Variants in SSBP2 observed in about 807,000 individuals in gnomAD.
SSBP2 encodes the protein single-stranded DNA-binding protein 2.
In SSBP2, 17 loss-of-function variants were observed where a neutral mutation model predicts 61.8. The ratio of observed to expected loss-of-function variants is 0.28; its 90% CI spans 0.19 to 0.41. SSBP2 has a LOEUF of 0.41. SSBP2 is among the 10% of genes least tolerant of loss of function. The probability of loss-of-function intolerance (pLI) is 1.00; values close to 1 mark genes in which losing one functional copy is unlikely to be tolerated. For missense variants in SSBP2, 310 were observed against 458.7 expected (o/e 0.68, Z 2.96); for synonymous variants, 139 against 141.3 (o/e 0.98, Z 0.12).
chr5:81,560,366 G>A (rs1452543619), intron 4 of SSBP2, among the ~76,000 whole-genome samples: 1 of 151,938 alleles, frequency 6.6e-6, no homozygotes, highest in Non-Finnish European at 1.5e-5. Context: ...TATAAACTCT[G>A]TACTGCCAAA....
chr5:81,518,934 T>C (rs960440636), intron 4 of SSBP2, among the ~76,000 whole-genome samples: 1 of 152,170 alleles, frequency 6.6e-6, no homozygotes, highest in Admixed American at 6.5e-5. Flanking sequence ...ATCTTCATTG[T>C]ATTTCTGAGA....
At chr5:81,420,605 C>A in intron 16 of SSBP2, 72 bp from the exon 17 acceptor site, 1 of 1,248,012 alleles carries the variant, frequency 8.0e-7, no homozygotes, top group Non-Finnish European at 1.2e-6. Context: ...CTTGGTACAA[C>A]AGAAACGATG....
chr5:81,494,213 C>T (rs1767121342), intron 5 of SSBP2, among the ~76,000 whole-genome samples: 1 of 152,116 alleles, frequency 6.6e-6, no homozygotes, highest in Admixed American at 6.5e-5. Flanking sequence ...GCTATGAATA[C>T]TGAAGATCAA....
chr5:81,480,700 C>G (rs1765923736), intron 6 of SSBP2, among the ~76,000 whole-genome samples: 1 of 152,158 alleles, frequency 6.6e-6, no homozygotes, highest in South Asian at 2.1e-4. Context: ...GCCACTGTGC[C>G]CAGCCAGCTG....
chr5:81,517,143 T>C (rs1347286942), intron 4 of SSBP2, among the ~76,000 whole-genome samples: 1 of 152,114 alleles, frequency 6.6e-6, no homozygotes, highest in African/African-American at 2.4e-5. Flanking sequence ...GTTTTCATTA[T>C]AGCTCTCTCT....
chr5:81,607,437 A>G (rs7726379), intron 4 of SSBP2, among the ~76,000 whole-genome samples: 26,458 of 152,104 alleles, frequency 0.17, 2,403 homozygotes, highest in Non-Finnish European at 0.21. Flanking sequence ...ACAAACCACT[A>G]GGCTATCAAA....
In SSBP2 at chr5:81,414,913, A is replaced by G. The variant is rs1021944214; in HGVS notation, c.*5591T>C. On this transcript the variant is annotated 3_prime_UTR_variant, in exon 17 of 17. Coordinates refer to ENST00000320672, the MANE Select transcript of SSBP2 (RefSeq NM_012446.5). Reference sequence around the variant, plus strand: ...TGGGAGTGTTTTGTGAGCAAACTTCATATTACTATTCCCAACACACACACA... The same window carrying G: ...TGGGAGTGTTTTGTGAGCAAACTTCGTATTACTATTCCCAACACACACACA... 6 of 152,250 alleles carry G rather than the reference A, an allele frequency of 3.9e-5. No individual in the cohort carries two copies. Among genetic ancestry groups the G allele is most frequent in the Non-Finnish European group, 8.8e-5 (6 of 68,040 alleles). The allele number at this position is 152,250 out of a possible 1,614,324, so 9.4% of individuals were successfully genotyped here. A position where few individuals can be genotyped will look rare whatever the true frequency, so the allele number is the denominator to read the frequency against.
rs796670846 is a variant in SSBP2, at chr5:81,654,936, A to T, written c.63-4597T>A. On this transcript the variant is annotated intron_variant, in intron 1 of 16. Coordinates refer to ENST00000320672, the MANE Select transcript of SSBP2 (RefSeq NM_012446.5). Reference sequence around the variant, plus strand: ...AGGATAGCTTGAGCCCTGGAGTTTGAGACCAGCCTGGGCAACACAGCAAAA... The same window carrying T: ...AGGATAGCTTGAGCCCTGGAGTTTGTGACCAGCCTGGGCAACACAGCAAAA... Among the ~76,000 whole-genome samples the T allele has an allele frequency of 7.2e-5, 11 of 152,116 alleles. No homozygotes were observed. In the South Asian group the frequency reaches 1.5e-3, roughly 20 times the overall value.
intron 7 of SSBP2, 57 bp from the exon 8 acceptor site, chr5:81,473,827 C>A: frequency 1.4e-6 from 2 of 1,475,904 alleles, no homozygotes; most frequent in Non-Finnish European, 1.9e-6. Flanking sequence ...AAACCAGAGG[C>A]TAGCAGCTTC....
chr5:81,726,916 C>A (rs1222717187), intron 1 of SSBP2, among the ~76,000 whole-genome samples: 2 of 152,206 alleles, frequency 1.3e-5, no homozygotes, highest in Non-Finnish European at 2.9e-5. Flanking sequence ...TCAGCACATA[C>A]CTTTTCCTCC....
rs181808030 is a variant in SSBP2 at position 81,627,438 on chromosome 5, G to A, written c.197+9119C>T. On this transcript the variant is annotated intron_variant, in intron 3 of 16. Coordinates refer to ENST00000320672, the MANE Select transcript of SSBP2 (RefSeq NM_012446.5). ...ATTATACCTTGCCTGTTATAGGAAA[G>A]ACATACCAGATGAGTAAAAACCAGT... 6.8e-4 allele frequency among the ~76,000 whole-genome samples: 103 copies of A among 152,244 alleles called. 1 individual carries two copies. Among genetic ancestry groups the A allele is most frequent in the African/African-American group, 2.2e-3 (93 of 41,538 alleles).
At chr5:81,704,556 G>C (rs1754224366) in intron 1 of SSBP2, among the ~76,000 whole-genome samples, 1 of 152,120 alleles carries the variant, frequency 6.6e-6, no homozygotes, top group Non-Finnish European at 1.5e-5. Context: ...CCAGCACTTT[G>C]GGAGGCCAAG....
At chr5:81,684,577 T>C (rs1033726874) in intron 1 of SSBP2, among the ~76,000 whole-genome samples, 5 of 152,082 alleles carry the variant, frequency 3.3e-5, no homozygotes, top group Admixed American at 6.5e-5. Flanking sequence ...AGGAGGTTAT[T>C]TGGGAGCTTT....
chr5:81,558,448 T>G (rs997418305), intron 4 of SSBP2, among the ~76,000 whole-genome samples: 1 of 152,212 alleles, frequency 6.6e-6, no homozygotes, highest in Non-Finnish European at 1.5e-5. Flanking sequence ...CAGAGAGAGA[T>G]ATTTTATATT....
chr5:81,573,475 C>T (rs1000361232), intron 4 of SSBP2, among the ~76,000 whole-genome samples: 1 of 152,140 alleles, frequency 6.6e-6, no homozygotes, highest in East Asian at 1.9e-4. Flanking sequence ...AACATAAAAC[C>T]TGGTATGGTT....
In SSBP2 at chr5:81,607,825, T is replaced by G. The variant is rs534599748; in HGVS notation, c.282+7648A>C. Among the ~76,000 whole-genome samples, 86 of 152,314 alleles carry G rather than the reference T, an allele frequency of 5.6e-4. 1 individual carries two copies. Among genetic ancestry groups the G allele is most frequent in the Non-Finnish European group, 1.1e-3 (78 of 67,992 alleles). On this transcript the variant is annotated intron_variant, in intron 4 of 16. Coordinates refer to ENST00000320672, the MANE Select transcript of SSBP2 (RefSeq NM_012446.5). ...TTTTGAATATCTTAGGTACTCAAGA[T>G]ACTATGTTCACACCAAACAAATTAG...
At chr5:81,751,110 C>T, upstream of SSBP2, 2 of 1,511,058 alleles carry the variant, frequency 1.3e-6, no homozygotes, top group Non-Finnish European at 1.8e-6. Flanking sequence ...CGGGAACAGC[C>T]CCGTCCCCAT....
At chr5:81,587,469 C>A (rs1371944840) in intron 4 of SSBP2, among the ~76,000 whole-genome samples, 1 of 152,088 alleles carries the variant, frequency 6.6e-6, no homozygotes, top group Non-Finnish European at 1.5e-5. Flanking sequence ...CGGTGGTTCA[C>A]GCGTGAAATC....
At chr5:81,564,920 A>G (rs577198506) in intron 4 of SSBP2, among the ~76,000 whole-genome samples, 21 of 152,234 alleles carry the variant, frequency 1.4e-4, no homozygotes, top group Non-Finnish European at 2.8e-4. Context: ...ACAACTTTGT[A>G]TCTTTCCACT....
Sources: gnomAD v4.1 joint callset for allele counts (sites outside exome capture counted in the v4.1 genomes callset) on GRCh38, gnomAD v4.1.1 for gene constraint, MANE v1.5 for transcripts, NCBI Gene and HGNC (gene_info 2026-07-23, HGNC 2026-07-21) for gene names.